Variants in PGCKA1 observed in about 807,000 individuals in gnomAD.
The protein encoded by PGCKA1 is PDCD10 and GCKIII kinases-associated protein 1.
chr4:37,497,249 C>A, the PGCKA1 span, among the ~76,000 whole-genome samples: 1 of 152,168 alleles, frequency 6.6e-6, no homozygotes, highest in Non-Finnish European at 1.5e-5. Context: ...CAGGTCATCA[C>A]AAATGCTGTT....
At chr4:37,587,995 G>T in the PGCKA1 span, 1 of 152,226 alleles carries the variant, frequency 6.6e-6, no homozygotes, top group East Asian at 1.9e-4. Context: ...TAAAAATAAA[G>T]GCTGTAGATA....
chr4:37,499,710 T>C, the PGCKA1 span, among the ~76,000 whole-genome samples: 1 of 152,156 alleles, frequency 6.6e-6, no homozygotes, highest in East Asian at 1.9e-4. Context: ...TTAGTCTAGC[T>C]ACTGGTCTGT....
At chr4:37,458,665 C>T in the PGCKA1 span, among the ~76,000 whole-genome samples, 1 of 152,156 alleles carries the variant, frequency 6.6e-6, no homozygotes, top group African/African-American at 2.4e-5. Context: ...GGAAGCAACG[C>T]CCCTTGAGGC....
At chr4:37,518,237 G>T in the PGCKA1 span, among the ~76,000 whole-genome samples, 1 of 152,186 alleles carries the variant, frequency 6.6e-6, no homozygotes, top group Non-Finnish European at 1.5e-5. Flanking sequence ...ACAAACAGGG[G>T]TGCAGATATC....
the PGCKA1 span, among the ~76,000 whole-genome samples, chr4:37,528,401 C>T: frequency 3.3e-5 from 5 of 152,130 alleles, no homozygotes; most frequent in East Asian, 7.7e-4. Flanking sequence ...CCCAAGAAGG[C>T]CCAGGGCTGT....
At chr4:37,491,193 T>A in the PGCKA1 span, among the ~76,000 whole-genome samples, 1 of 152,208 alleles carries the variant, frequency 6.6e-6, no homozygotes, top group Non-Finnish European at 1.5e-5. Context: ...GACACCTTAA[T>A]GTCAAGTGTT....
At chr4:37,458,187 T>C in the PGCKA1 span, among the ~76,000 whole-genome samples, 4 of 152,286 alleles carry the variant, frequency 2.6e-5, no homozygotes, top group South Asian at 2.1e-4. Context: ...CAGCTGCCCA[T>C]TGGAAAAACT....
the PGCKA1 span, among the ~76,000 whole-genome samples, chr4:37,545,590 G>A: frequency 6.6e-6 from 1 of 152,182 alleles, no homozygotes. Flanking sequence ...GATTTAAGAG[G>A]TCAGTGACTT....
the PGCKA1 span, among the ~76,000 whole-genome samples, chr4:37,526,801 C>T: frequency 6.6e-6 from 1 of 152,106 alleles, no homozygotes; most frequent in Non-Finnish European, 1.5e-5. Context: ...GTCTGTGTTA[C>T]AAGTTTATGT....
the PGCKA1 span, among the ~76,000 whole-genome samples, chr4:37,468,897 A>T: frequency 2.3e-3 from 353 of 152,292 alleles, 1 homozygote; most frequent in African/African-American, 8.1e-3. Context: ...AATTCGGAAA[A>T]AACGTTAAGC....
At chr4:37,579,684 C>G in the PGCKA1 span, among the ~76,000 whole-genome samples, 42 of 152,300 alleles carry the variant, frequency 2.8e-4, no homozygotes, top group Non-Finnish European at 5.0e-4. Context: ...TTTCTTTTCT[C>G]TGCTGCTTTC....
At chr4:37,475,418 C>T in the PGCKA1 span, among the ~76,000 whole-genome samples, 11 of 152,060 alleles carry the variant, frequency 7.2e-5, no homozygotes, top group South Asian at 1.7e-3. Flanking sequence ...ATACAGGCTG[C>T]CAGGTACAAG....
the PGCKA1 span, among the ~76,000 whole-genome samples, chr4:37,492,643 G>A: frequency 2.0e-5 from 3 of 152,142 alleles, no homozygotes; most frequent in Admixed American, 6.5e-5. The surrounding 1 kb of genome is among the most constrained non-coding windows in gnomAD (Gnocchi z 4.7). Context: ...AGTATCCCAC[G>A]TTGGATATGC....
chr4:37,529,128 G>A, the PGCKA1 span, among the ~76,000 whole-genome samples: 4 of 152,138 alleles, frequency 2.6e-5, no homozygotes, highest in Non-Finnish European at 5.9e-5. Flanking sequence ...TGACACAGCA[G>A]CTAGAACTCA....
At chr4:37,537,227 G>A in the PGCKA1 span, among the ~76,000 whole-genome samples, 64 of 152,320 alleles carry the variant, frequency 4.2e-4, no homozygotes, top group South Asian at 3.3e-3. Flanking sequence ...TAATTGCACA[G>A]AAATCTGTCC....
chr4:37,455,492 C>A, the PGCKA1 span, among the ~76,000 whole-genome samples: 1 of 152,170 alleles, frequency 6.6e-6, no homozygotes. Context: ...CTCTTCTTGG[C>A]CCATTCTGTG....
chr4:37,540,799 G>A, the PGCKA1 span, among the ~76,000 whole-genome samples: 2 of 152,030 alleles, frequency 1.3e-5, no homozygotes, highest in South Asian at 4.2e-4. Context: ...GTGGGGGTGG[G>A]AGTTGGGGGG....
the PGCKA1 span, among the ~76,000 whole-genome samples, chr4:37,521,248 G>A: frequency 2.6e-5 from 4 of 152,016 alleles, no homozygotes; most frequent in East Asian, 7.7e-4. Context: ...ATAGGTTTTT[G>A]TCTCTTGTGG....
chr4:37,536,733 C>T, the PGCKA1 span, among the ~76,000 whole-genome samples: 1 of 152,228 alleles, frequency 6.6e-6, no homozygotes, highest in African/African-American at 2.4e-5. Flanking sequence ...TGCTGTGTAG[C>T]TCAAAAGCAG....
Sources: gnomAD v4.1 joint callset for allele counts (sites outside exome capture counted in the v4.1 genomes callset) on GRCh38, gnomAD v4.1.1 for gene constraint, Gnocchi (gnomAD v3.1) non-coding constraint, MANE v1.5 for transcripts, NCBI Gene and HGNC (gene_info 2026-07-23, HGNC 2026-07-21) for gene names.